The following CEP112 variants were observed in gnomAD, a reference collection of about 807,000 sequenced individuals.
CEP112 encodes the protein centrosomal protein 112.
Under a neutral mutation model 153.0 loss-of-function variants are expected in CEP112, and 127 were observed. That is an observed-to-expected ratio of 0.83 (90% confidence interval 0.72 to 0.96). CEP112 has a LOEUF of 0.96. CEP112 is among the 40% of genes least tolerant of loss of function. CEP112 has a pLI of 0.00. For synonymous variants in CEP112, 358 were observed against 374.4 expected (o/e 0.96, Z 0.51); for missense variants, 1,089 against 1,101.2 (o/e 0.99, Z 0.16).
Position 65,653,358 on chromosome 17 carries a change from T to C in CEP112, c.2698-12293A>G, listed in dbSNP as rs555970420. 1.4e-4 allele frequency among the ~76,000 whole-genome samples: 21 copies of C among 152,360 alleles called. 1 individual carries two copies. The highest frequency in any genetic ancestry group is 2.8e-4 in the Non-Finnish European group (19 of 68,036). Reference sequence around the variant, plus strand: ...AGGATTAAGGGAAAATAACATATACTTCTACTCCTTGTGGATTATTCAGAA... The same window carrying C: ...AGGATTAAGGGAAAATAACATATACCTCTACTCCTTGTGGATTATTCAGAA... On this transcript the variant is annotated intron_variant, in intron 24 of 26. Transcript: ENST00000535342.
chr17:65,640,137 C>CATATATATATATATAT (rs762352624), intron 25 of CEP112, among the ~76,000 whole-genome samples: 15 of 112,162 alleles, frequency 1.3e-4, no homozygotes, highest in African/African-American at 7.6e-4. Context: ...TGCACCCGAC[C>CATATATATATATATAT]ATATATATAT....
intron 4 of CEP112, among the ~76,000 whole-genome samples, chr17:66,173,211 T>A (rs1317546254): frequency 6.6e-6 from 1 of 152,172 alleles, no homozygotes; most frequent in African/African-American, 2.4e-5. Context: ...GCAATAGACA[T>A]CAAATTTGGT....
chr17:65,746,980 G>A (rs2051511551), intron 22 of CEP112, among the ~76,000 whole-genome samples: 1 of 151,840 alleles, frequency 6.6e-6, no homozygotes, highest in South Asian at 2.1e-4. Flanking sequence ...AGCTGATGGT[G>A]TAAGCATCCG....
rs1349045185 is a variant in CEP112, at chr17:65,743,138, A to G, written c.2537T>C (p.Leu846Pro). The change falls in exon 23 of 27, where the codon CTC (leucine) becomes CCC (proline). Residue 846 changes from leucine (L) to proline (P), a missense_variant. By Grantham distance (98) the Leu-to-Pro change is moderately conservative (BLOSUM62 -3). Coordinates refer to ENST00000535342, the MANE Select transcript of CEP112 (RefSeq NM_001199165.4). ...SQQQLAAERR[L>P]QDVRQKFEDE... is the part of the protein sequence containing the mutation. ...TTCAAACTTTTGTCTAACATCCTGG[A>G]GCCGCCTTTCTGCAGCAAGCTGCTG... The G allele has an allele frequency of 6.2e-7, 1 of 1,613,272 alleles. No homozygotes were observed. The highest frequency in any genetic ancestry group is 2.2e-5 in the East Asian group (1 of 44,880).
chr17:65,833,443 T>C (rs1276221068), intron 21 of CEP112, among the ~76,000 whole-genome samples: 1 of 152,094 alleles, frequency 6.6e-6, no homozygotes, highest in Non-Finnish European at 1.5e-5. Context: ...TGATTCTATA[T>C]CTAGAAAACC....
intron 16 of CEP112, among the ~76,000 whole-genome samples, chr17:66,008,425 C>T (rs2145479498): frequency 6.6e-6 from 1 of 152,208 alleles, no homozygotes; most frequent in African/African-American, 2.4e-5. Context: ...ACAATGGTAG[C>T]TCACTGTAAC....
chr17:65,920,401 ATATAAT>A (rs1555713418), intron 19 of CEP112, among the ~76,000 whole-genome samples: 4 of 117,228 alleles, frequency 3.4e-5, no homozygotes, highest in African/African-American at 1.4e-4. Context: ...ATATATATAT[ATATAAT>A]TATAATATAT....
chr17:66,070,729 T>C (rs551796592), intron 8 of CEP112, among the ~76,000 whole-genome samples: 9 of 152,168 alleles, frequency 5.9e-5, no homozygotes, highest in Non-Finnish European at 1.3e-4. Flanking sequence ...AAGAGCAACA[T>C]AAAATTGATT....
At position 65,637,141 on chromosome 17, in the gene CEP112, A is replaced by T. The variant is rs142765947; in HGVS notation, c.2847T>A (p.Thr949=). 2 of 1,613,820 alleles carry T rather than the reference A, an allele frequency of 1.2e-6. No homozygotes were observed. Among genetic ancestry groups the T allele is most frequent in the South Asian group, 2.2e-5 (2 of 91,074 alleles). The stretch of plus-strand genomic sequence containing the variant: ...GGCTGTACCTTCTGCCTTGATATGT[A>T]GTCAGTTCTTCCTGAAGGATGGAAG... ...KRASILQEEL[T]TYQGRR The change falls in exon 26 of 27, where the codon ACT becomes ACA. Residue 949 remains threonine, a synonymous_variant. Transcript: ENST00000535342.
chr17:66,172,969 C>T (rs4791084), intron 4 of CEP112, among the ~76,000 whole-genome samples: 79,942 of 151,914 alleles, frequency 0.53, 23,238 homozygotes, highest in Non-Finnish European at 0.67. Context: ...CTATTGCTCA[C>T]GCTGGCCTCA....
chr17:65,920,676 T>C (rs1339305327), intron 19 of CEP112, among the ~76,000 whole-genome samples: 1 of 151,780 alleles, frequency 6.6e-6, no homozygotes, highest in Non-Finnish European at 1.5e-5. Flanking sequence ...CTCTGAAAAC[T>C]CTTCTCTGAA....
chr17:66,123,222 G>A (rs2069682468), intron 6 of CEP112, among the ~76,000 whole-genome samples: 1 of 152,174 alleles, frequency 6.6e-6, no homozygotes, highest in Non-Finnish European at 1.5e-5. Flanking sequence ...TTGGCTGAGT[G>A]GAGGAAAAGA....
chr17:65,970,820 A>C (rs1440481903), intron 17 of CEP112, among the ~76,000 whole-genome samples: 1 of 152,278 alleles, frequency 6.6e-6, no homozygotes, highest in South Asian at 2.1e-4. Flanking sequence ...GCGCATGTAT[A>C]TTGCATGCAT....
At chr17:66,047,143 G>C (rs190158434) in intron 12 of CEP112, among the ~76,000 whole-genome samples, 3 of 152,082 alleles carry the variant, frequency 2.0e-5, no homozygotes, top group Non-Finnish European at 4.4e-5. Flanking sequence ...TTGAGATGGA[G>C]TCTCCCTCTG....
At chr17:66,146,361 G>GT (rs1336369604) in intron 4 of CEP112, among the ~76,000 whole-genome samples, 2 of 152,052 alleles carry the variant, frequency 1.3e-5, no homozygotes, top group Non-Finnish European at 2.9e-5. Context: ...TTCAAGCAGT[G>GT]TGTCTATTTC....
chr17:66,119,437 G>A (rs1208215216), intron 6 of CEP112, among the ~76,000 whole-genome samples: 3 of 152,100 alleles, frequency 2.0e-5, no homozygotes, highest in Non-Finnish European at 4.4e-5. Context: ...CATTCTTATA[G>A]TTTTACCATT....
chr17:66,135,518 C>G (rs922255902), intron 4 of CEP112, among the ~76,000 whole-genome samples: 2 of 152,114 alleles, frequency 1.3e-5, no homozygotes, highest in African/African-American at 4.8e-5. Context: ...ACAATTGGTA[C>G]AGGGGACCTG....
intron 24 of CEP112, among the ~76,000 whole-genome samples, chr17:65,684,556 T>A (rs1436528967): frequency 6.6e-6 from 1 of 152,200 alleles, no homozygotes; most frequent in Non-Finnish European, 1.5e-5. Context: ...TTCTTCCTTT[T>A]CTTTTCTATA....
At position 65,635,624 on chromosome 17, in the gene CEP112, A is replaced by G. The variant is rs2044733225; in HGVS notation, c.*347T>C. On this transcript the variant is annotated 3_prime_UTR_variant, in exon 27 of 27. Transcript: ENST00000535342. ...GTTAGAATTTTTGATATGATACTAC[A>G]AACGTGATTTTGATCGTACGCAACT... 3.1e-6 allele frequency: 1 copy of G among 323,642 alleles called. No individual in the cohort carries two copies. Among genetic ancestry groups the G allele is most frequent in the South Asian group, 1.2e-4 (1 of 8,684 alleles). The allele number at this position is 323,642 out of a possible 1,614,324, so 20.0% of individuals were successfully genotyped here.
Sources: allele counts gnomAD v4.1 joint callset (sites outside exome capture counted in the v4.1 genomes callset), GRCh38; gene constraint gnomAD v4.1.1; transcripts MANE v1.5; gene names NCBI Gene and HGNC (gene_info 2026-07-23, HGNC 2026-07-21).